Variants in TDRD1 observed in about 807,000 individuals in gnomAD.
TDRD1 encodes tudor domain containing 1, also known as tudor domain-containing protein 1.
In TDRD1, 37 loss-of-function variants were observed where a neutral mutation model predicts 140.6. The observed-to-expected ratio is 0.26, with a 90% confidence interval of 0.20 to 0.35. TDRD1 has a LOEUF of 0.35. TDRD1 is among the 10% of genes least tolerant of loss of function. The probability of loss-of-function intolerance (pLI) is 1.00; values close to 1 mark genes in which losing one functional copy is unlikely to be tolerated. For synonymous variants in TDRD1, 506 were observed against 475.7 expected (o/e 1.06, Z -0.83); for missense variants, 1,243 against 1,393.0 (o/e 0.89, Z 1.71).
intron 18 of TDRD1, among the ~76,000 whole-genome samples, chr10:114,219,312 C>T (rs1401093757): frequency 6.6e-6 from 1 of 152,166 alleles, no homozygotes; most frequent in Non-Finnish European, 1.5e-5. Context: ...ATTATTCCTA[C>T]CTTCCTCAAA....
chr10:114,184,151 C>G (rs2033327783), intron 1 of TDRD1, among the ~76,000 whole-genome samples: 1 of 151,094 alleles, frequency 6.6e-6, no homozygotes, highest in South Asian at 2.1e-4. Context: ...GCAGAAAATG[C>G]ATACTTATTT....
chr10:114,199,335 G>C lies in TDRD1; in HGVS notation c.529+18G>C, dbSNP rs1157710484. On this transcript the variant is annotated intron_variant, in intron 4 of 25. Coordinates refer to ENST00000251864, the Ensembl canonical transcript of TDRD1. The stretch of plus-strand genomic sequence containing the variant: ...CCTATTTGGTAAGCATATTGTTCTT[G>C]GGTGTCTGAATTCTTCTTCCACATA... 4 of 1,571,198 alleles carry C rather than the reference G, an allele frequency of 2.5e-6. No homozygotes were observed. Among genetic ancestry groups the C allele is most frequent in the Non-Finnish European group, 2.6e-6 (3 of 1,166,064 alleles).
intron 17 of TDRD1, 146 bp from the exon 18 acceptor site, chr10:114,218,268 A>T: frequency 1.9e-6 from 1 of 522,774 alleles, no homozygotes. Context: ...GAGATTTTTG[A>T]ATTTTGAAAA....
intron 19 of TDRD1, 96 bp downstream of exon 19, chr10:114,220,939 G>C (rs2036105526): frequency 1.3e-6 from 1 of 778,558 alleles, no homozygotes; most frequent in Non-Finnish European, 2.1e-6. Flanking sequence ...TTTTCCTGTA[G>C]AGATATGCTT....
At chr10:114,207,143 A>G (rs1020681452) in intron 11 of TDRD1, among the ~76,000 whole-genome samples, 11 of 152,138 alleles carry the variant, frequency 7.2e-5, no homozygotes, top group Non-Finnish European at 5.9e-5. Context: ...CTGTGTTTGT[A>G]TTATCTTTTT....
rs777449430 is a variant in TDRD1, at chr10:114,218,597, A to C, written c.2494+13A>C. On this transcript the variant is annotated intron_variant, in intron 18 of 25. Coordinates refer to ENST00000251864, the Ensembl canonical transcript of TDRD1. ...TGCCAGTTAGCAGGTATGGTATACA[A>C]TAAGAAACTTTCTCAACTTTCTAAT... is the stretch of plus-strand genomic sequence containing the variant. 6.4e-7 allele frequency: 1 copy of C among 1,558,222 alleles called. No homozygotes were observed. The highest frequency in any genetic ancestry group is 2.3e-5 in the East Asian group (1 of 43,396).
At chr10:114,220,660 G>A in exon 19 of TDRD1, 1 of 1,613,758 alleles carries the variant, frequency 6.2e-7, no homozygotes, top group Non-Finnish European at 8.5e-7. Context: ...CAGAGTGGTT[G>A]AAGTCACTGA....
At chr10:114,187,633 C>T (rs962912052) in intron 1 of TDRD1, among the ~76,000 whole-genome samples, 193 bp from the exon 2 acceptor site, 1 of 152,156 alleles carries the variant, frequency 6.6e-6, no homozygotes, top group African/African-American at 2.4e-5. Flanking sequence ...TGTTAGAGTT[C>T]ATACTTACAG....
intron 3 of TDRD1, among the ~76,000 whole-genome samples, chr10:114,198,388 ATCC>A: frequency 6.6e-6 from 1 of 152,066 alleles, no homozygotes; most frequent in Non-Finnish European, 1.5e-5. Context: ...GAGGGATCTC[ATCC>A]TCCTCCCACT....
intron 4 of TDRD1, among the ~76,000 whole-genome samples, chr10:114,200,574 TG>T (rs1306688380): frequency 6.6e-6 from 1 of 152,190 alleles, no homozygotes; most frequent in Non-Finnish European, 1.5e-5. Context: ...AAGAAAGTTT[TG>T]TTTACTTTGC....
intron 19 of TDRD1, among the ~76,000 whole-genome samples, chr10:114,221,047 T>C (rs2036114389): frequency 6.6e-6 from 1 of 152,180 alleles, no homozygotes; most frequent in African/African-American, 2.4e-5. Context: ...TACAGAGATA[T>C]CTCACTTAGA....
At chr10:114,178,678 T>C (rs2032783223), upstream of TDRD1, among the ~76,000 whole-genome samples, 2 of 152,164 alleles carry the variant, frequency 1.3e-5, no homozygotes, top group South Asian at 2.1e-4. Context: ...GGGAGGACTA[T>C]GCTGGGGGCC....
upstream of TDRD1, among the ~76,000 whole-genome samples, chr10:114,175,379 G>A (rs993593861): frequency 2.0e-5 from 3 of 151,640 alleles, no homozygotes; most frequent in Non-Finnish European, 4.4e-5. Context: ...TTCACCATAA[G>A]AGAAAAGAAA....
chr10:114,212,119 C>G (rs2035523875), intron 14 of TDRD1, 83 bp downstream of exon 14: 1 of 1,305,938 alleles, frequency 7.7e-7, no homozygotes, highest in Admixed American at 2.7e-5. Context: ...TAGGGAAAAG[C>G]TGCTTCTCAA....
At chr10:114,191,419 A>G (rs916118409) in intron 3 of TDRD1, among the ~76,000 whole-genome samples, 1 of 152,214 alleles carries the variant, frequency 6.6e-6, no homozygotes, top group East Asian at 1.9e-4. Context: ...GCAGCCACTG[A>G]TATGCATATT....
Position 114,201,402 on chromosome 10 carries a change from T to G in TDRD1, c.530-8T>G. On this transcript the variant is annotated splice_polypyrimidine_tract_variant and splice_region_variant and intron_variant, in intron 4 of 25. Coordinates refer to ENST00000251864, the Ensembl canonical transcript of TDRD1. The stretch of plus-strand genomic sequence containing the variant: ...CATCTGAACTATTTTGTGGGTGGTG[T>G]TTTCTAGGATCGCTGAGGTGCTCTC... 1 of 1,612,730 alleles carries G rather than the reference T, an allele frequency of 6.2e-7. No individual in the cohort carries two copies. Among genetic ancestry groups the G allele is most frequent in the Non-Finnish European group, 8.5e-7 (1 of 1,178,922 alleles).
intron 23 of TDRD1, 61 bp from the exon 24 acceptor site, chr10:114,227,849 C>A: frequency 2.9e-6 from 4 of 1,395,522 alleles, no homozygotes; most frequent in South Asian, 1.2e-5. Context: ...TGTTTACACT[C>A]CCAAGTTTTT....
chr10:114,190,448 G>A (rs1405192026), intron 2 of TDRD1, among the ~76,000 whole-genome samples: 1 of 152,112 alleles, frequency 6.6e-6, no homozygotes, highest in East Asian at 1.9e-4. Context: ...ACAATGAGAG[G>A]AGCACTAGTC....
intron 18 of TDRD1, 48 bp from the exon 19 acceptor site, chr10:114,220,520 A>G: frequency 6.7e-7 from 1 of 1,481,768 alleles, no homozygotes; most frequent in Non-Finnish European, 9.3e-7. Flanking sequence ...TAAAGCAAAA[A>G]TGAAACTTGT....
Sources: gnomAD v4.1 joint callset for allele counts (sites outside exome capture counted in the v4.1 genomes callset) on GRCh38, gnomAD v4.1.1 for gene constraint, MANE v1.5 for transcripts, NCBI Gene and HGNC (gene_info 2026-07-23, HGNC 2026-07-21) for gene names.